The following TRPM3 variants were observed in gnomAD, a reference collection of about 807,000 sequenced individuals.
The protein encoded by TRPM3 is long transient receptor potential channel 3.
Under a neutral mutation model 181.2 loss-of-function variants are expected in TRPM3, and 77 were observed. The observed-to-expected ratio is 0.42, with a 90% CI of 0.35 to 0.51. The LOEUF is 0.51. Ranked by LOEUF, TRPM3 falls within the 20% of genes least tolerant of loss-of-function variation. The pLI, the probability that TRPM3 is intolerant of heterozygous loss-of-function variation, is 0.01. For missense variants in TRPM3, 1,759 were observed against 2,196.7 expected (o/e 0.80, Z 3.98); for synonymous variants, 745 against 796.4 (o/e 0.94, Z 1.09).
intron 1 of TRPM3, among the ~76,000 whole-genome samples, chr9:71,047,413 AT>A (rs530733201): frequency 1.1e-4 from 16 of 152,000 alleles, no homozygotes; most frequent in African/African-American, 3.9e-4. Flanking sequence ...AATTTTAATA[AT>A]TTTTTTTCTG....
At chr9:71,302,675 G>A (rs998523026) in intron 1 of TRPM3, among the ~76,000 whole-genome samples, 3 of 152,002 alleles carry the variant, frequency 2.0e-5, no homozygotes, top group Non-Finnish European at 2.9e-5. Flanking sequence ...ATTTGTAAGA[G>A]CTAGTCTTTG....
intron 3 of TRPM3, among the ~76,000 whole-genome samples, chr9:70,859,377 T>C (rs1202089333): frequency 2.0e-5 from 3 of 152,132 alleles, no homozygotes; most frequent in Non-Finnish European, 2.9e-5. Context: ...CACTGTGAAA[T>C]ATTGTAATAT....
chr9:71,427,216 T>C (rs1032308445), intron 1 of TRPM3, among the ~76,000 whole-genome samples: 1 of 152,162 alleles, frequency 6.6e-6, no homozygotes, highest in Non-Finnish European at 1.5e-5. Context: ...TACACATCTC[T>C]CCTTAAACCC....
In TRPM3 at chr9:71,388,374, A is replaced by G. The variant is rs539332519; in HGVS notation, c.183+58279T>C. Among the ~76,000 whole-genome samples the G allele has an allele frequency of 2.0e-5, 3 of 152,288 alleles. No individual in the cohort carries two copies. In the South Asian group the frequency reaches 6.2e-4, roughly 32 times the overall value. On this transcript the variant is annotated intron_variant, in intron 1 of 24. Coordinates refer to the TRPM3 transcript ENST00000357533. ...CGCCTGGGTGATGAGAAAGATTTAA[A>G]ATAAAAATGTAAAAAGTGAGAAGAA...
chr9:70,629,216 G>GGGGGC lies in TRPM3; in HGVS notation c.1633-3700_1633-3699insGCCCC, dbSNP rs1491269484. ...GATAAATGATTCTGTGACCAGTGCC[G>GGGGGC]GGGGGGGGGGGGGCCTGCGTTCTGT... On this transcript the variant is annotated intron_variant, in intron 12 of 25. Transcript: ENST00000677713. Among the ~76,000 whole-genome samples the GGGGGC allele has an allele frequency of 2.0e-4, 12 of 60,264 alleles. 5 individuals carry two copies. In the South Asian group the frequency reaches 6.4e-3, roughly 32 times the overall value. 39.5% of individuals were successfully genotyped at this position (60,264 alleles called of 152,430 possible).
intron 1 of TRPM3, among the ~76,000 whole-genome samples, chr9:71,010,172 C>G (rs1239289216): frequency 6.6e-6 from 1 of 151,990 alleles, no homozygotes. Context: ...TTGGACTGGT[C>G]AAGGATTTTT....
chr9:71,201,985 G>A (rs1301888268), intron 1 of TRPM3, among the ~76,000 whole-genome samples: 2 of 152,168 alleles, frequency 1.3e-5, no homozygotes, highest in Non-Finnish European at 2.9e-5. Flanking sequence ...CTTTGATGAT[G>A]GTGATGTACA....
At chr9:70,846,681 T>C in intron 3 of TRPM3, 90 bp from the exon 4 acceptor site, 1 of 1,092,258 alleles carries the variant, frequency 9.2e-7, no homozygotes, top group South Asian at 1.4e-5. Context: ...TGTGTAGTTA[T>C]GTGACAAAAA....
chr9:71,132,352 A>G (rs1456512320), intron 1 of TRPM3, among the ~76,000 whole-genome samples: 1 of 152,198 alleles, frequency 6.6e-6, no homozygotes, highest in Non-Finnish European at 1.5e-5. Context: ...CAAAATATAT[A>G]TTTTTAGAAG....
At chr9:71,048,121 C>G (rs2059670009) in intron 1 of TRPM3, among the ~76,000 whole-genome samples, 1 of 152,138 alleles carries the variant, frequency 6.6e-6, no homozygotes, top group African/African-American at 2.4e-5. Context: ...CTTTTAATTA[C>G]TCTTAATGGC....
intron 1 of TRPM3, among the ~76,000 whole-genome samples, chr9:71,168,646 T>A (rs552005001): frequency 4.1e-5 from 6 of 147,854 alleles, no homozygotes; most frequent in Admixed American, 1.4e-4. Flanking sequence ...TTTTTATTTT[T>A]TTTTTTATTA....
At chr9:71,258,263 T>C (rs2082800053) in intron 1 of TRPM3, among the ~76,000 whole-genome samples, 2 of 152,178 alleles carry the variant, frequency 1.3e-5, no homozygotes, top group Non-Finnish European at 2.9e-5. Flanking sequence ...ATGGGGAAAC[T>C]GAGGTTAAGT....
chr9:70,781,416 A>C (rs761296751), intron 7 of TRPM3, among the ~76,000 whole-genome samples: 25 of 151,828 alleles, frequency 1.6e-4, no homozygotes, highest in Non-Finnish European at 2.6e-4. Flanking sequence ...GGAAAAGGGA[A>C]AGAATCCCCA....
intron 1 of TRPM3, among the ~76,000 whole-genome samples, chr9:71,206,607 A>G (rs1296925837): frequency 1.3e-5 from 2 of 152,094 alleles, no homozygotes; most frequent in Admixed American, 6.6e-5. Context: ...ACATTTGTCA[A>G]TTTTAGCTTG....
At chr9:70,964,491 A>G (rs1271729962) in intron 1 of TRPM3, among the ~76,000 whole-genome samples, 5 of 152,064 alleles carry the variant, frequency 3.3e-5, no homozygotes. Flanking sequence ...ATTTCCCTAG[A>G]TAACTGGTTG....
chr9:71,084,704 C>CA (rs1565159536), intron 1 of TRPM3, among the ~76,000 whole-genome samples: 7 of 151,820 alleles, frequency 4.6e-5, no homozygotes, highest in Non-Finnish European at 7.4e-5. Context: ...CTGCTTAAAG[C>CA]GATCTACAGA....
chr9:71,198,164 C>A (rs1004454137), intron 1 of TRPM3, among the ~76,000 whole-genome samples: 211 of 151,350 alleles, frequency 1.4e-3, no homozygotes, highest in African/African-American at 4.9e-3. Flanking sequence ...TCAGGTTTGT[C>A]AAAGATCAGA....
intron 12 of TRPM3, among the ~76,000 whole-genome samples, chr9:70,634,396 A>T (rs1338301099): frequency 6.6e-6 from 1 of 152,204 alleles, no homozygotes; most frequent in Non-Finnish European, 1.5e-5. Flanking sequence ...TACAGGCATG[A>T]GTCTCTGTGC....
At chr9:70,923,461 A>G (rs1032707127) in intron 1 of TRPM3, among the ~76,000 whole-genome samples, 1 of 152,150 alleles carries the variant, frequency 6.6e-6, no homozygotes, top group African/African-American at 2.4e-5. Flanking sequence ...TTTTTTAATA[A>G]CAAATGAATT....
Sources: gnomAD v4.1 joint callset for allele counts (sites outside exome capture counted in the v4.1 genomes callset) on GRCh38, gnomAD v4.1.1 for gene constraint, MANE v1.5 for transcripts, NCBI Gene and HGNC (gene_info 2026-07-23, HGNC 2026-07-21) for gene names.